Variants in SPACDR observed in about 807,000 individuals in gnomAD.
SPACDR encodes sperm acrosome developmental regulator, also known as uncharacterized protein C7orf61.
the SPACDR span, chr7:100,457,069 C>T: frequency 1.1e-6 from 1 of 902,728 alleles, no homozygotes; most frequent in Admixed American, 2.6e-5. Context: ...AGATAAACAG[C>T]AAAGGGCTCC....
the SPACDR span, among the ~76,000 whole-genome samples, chr7:100,457,862 T>G: frequency 9.1e-6 from 1 of 109,712 alleles, no homozygotes; most frequent in Non-Finnish European, 2.2e-5. Context: ...TATATATTTT[T>G]TTTTTTTTTT....
the SPACDR span, among the ~76,000 whole-genome samples, chr7:100,462,140 G>A: frequency 1.3e-5 from 2 of 152,158 alleles, no homozygotes; most frequent in Admixed American, 6.6e-5. Flanking sequence ...AGCCCTGCAA[G>A]TCTGCAAGTC....
the SPACDR span, among the ~76,000 whole-genome samples, chr7:100,458,969 T>C: frequency 6.6e-6 from 1 of 151,916 alleles, no homozygotes; most frequent in Non-Finnish European, 1.5e-5. Flanking sequence ...ACACCCACGT[T>C]ACTGTGTGTA....
chr7:100,463,342 G>A, the SPACDR span: 1 of 1,536,206 alleles, frequency 6.5e-7, no homozygotes, highest in Non-Finnish European at 8.8e-7. Context: ...AAGAGGGAGG[G>A]GGTGTTAGGA....
At chr7:100,457,841 GTA>G in the SPACDR span, among the ~76,000 whole-genome samples, 139 of 85,054 alleles carry the variant, frequency 1.6e-3, no homozygotes, top group African/African-American at 5.6e-3. Context: ...GTGTGTGTGT[GTA>G]TATATATATA....
the SPACDR span, chr7:100,463,600 A>C: frequency 6.2e-7 from 1 of 1,613,958 alleles, no homozygotes. Flanking sequence ...CCACCTGGAG[A>C]GTCTTCTCCA....
the SPACDR span, chr7:100,456,783 G>A: frequency 8.7e-6 from 14 of 1,612,276 alleles, no homozygotes; most frequent in African/African-American, 1.9e-4. Flanking sequence ...CAGTTTCAGG[G>A]ACTGAGCCGG....
chr7:100,458,133 T>C, the SPACDR span, among the ~76,000 whole-genome samples: 1 of 151,398 alleles, frequency 6.6e-6, no homozygotes, highest in Non-Finnish European at 1.5e-5. Flanking sequence ...ATAGTCAGGA[T>C]ATTGACATTG....
the SPACDR span, chr7:100,456,936 G>T: frequency 1.2e-6 from 2 of 1,613,666 alleles, no homozygotes; most frequent in East Asian, 4.5e-5. Flanking sequence ...AGTCTTCAAA[G>T]GTGACTGCGT....
the SPACDR span, chr7:100,463,465 T>C: frequency 6.2e-7 from 1 of 1,613,762 alleles, no homozygotes; most frequent in South Asian, 1.1e-5. Flanking sequence ...ATTGGCCCTG[T>C]TGGCCCAGCT....
At chr7:100,462,545 C>G in the SPACDR span, among the ~76,000 whole-genome samples, 2 of 151,574 alleles carry the variant, frequency 1.3e-5, no homozygotes, top group African/African-American at 4.8e-5. Flanking sequence ...GAGACAGAGT[C>G]TCGCTCTATT....
chr7:100,457,618 CTTTTTTTT>C, the SPACDR span, among the ~76,000 whole-genome samples: 1 of 93,526 alleles, frequency 1.1e-5, no homozygotes, highest in Non-Finnish European at 2.1e-5. Flanking sequence ...CATGCCTGGC[CTTTTTTTT>C]TTTTTTTTTT....
chr7:100,461,314 A>G, the SPACDR span, among the ~76,000 whole-genome samples: 1 of 152,044 alleles, frequency 6.6e-6, no homozygotes, highest in Non-Finnish European at 1.5e-5. Flanking sequence ...TCCTAACTTC[A>G]GGTGATCCAC....
At chr7:100,463,792 G>T in the SPACDR span, 1 of 1,255,206 alleles carries the variant, frequency 8.0e-7, no homozygotes, top group Non-Finnish European at 1.2e-6. Flanking sequence ...TGAGTTTCCT[G>T]GCCTCTCTTC....
the SPACDR span, chr7:100,463,432 C>A: frequency 6.2e-7 from 1 of 1,613,446 alleles, no homozygotes. Context: ...ACTTGACGGC[C>A]GTCCTCGGCA....
the SPACDR span, chr7:100,464,022 CCATCTCT>C: frequency 6.3e-7 from 1 of 1,594,042 alleles, no homozygotes; most frequent in South Asian, 1.1e-5. Flanking sequence ...ATGACCACAA[CCATCTCT>C]CTTGATGGGA....
the SPACDR span, among the ~76,000 whole-genome samples, chr7:100,457,284 G>A: frequency 3.3e-5 from 5 of 150,928 alleles, no homozygotes; most frequent in East Asian, 3.9e-4. Context: ...GATTACAGGC[G>A]TGAGGCATCA....
chr7:100,456,862 G>T, the SPACDR span: 2 of 1,613,476 alleles, frequency 1.2e-6, no homozygotes, highest in South Asian at 1.1e-5. Context: ...CGGTACAGCC[G>T]GCGCAGGTGT....
chr7:100,458,079 A>G, the SPACDR span, among the ~76,000 whole-genome samples: 2 of 151,678 alleles, frequency 1.3e-5, no homozygotes, highest in Non-Finnish European at 2.9e-5. Context: ...CCCTTTACTG[A>G]GTTCACCTCA....
Sources: gnomAD v4.1 joint callset for allele counts (sites outside exome capture counted in the v4.1 genomes callset) on GRCh38, gnomAD v4.1.1 for gene constraint, MANE v1.5 for transcripts, NCBI Gene and HGNC (gene_info 2026-07-23, HGNC 2026-07-21) for gene names.